The following MITF variants were observed in gnomAD, a reference collection of about 807,000 sequenced individuals.
MITF encodes microphthalmia-associated transcription factor.
MITF carries 17 observed loss-of-function variants against 60.5 expected under a neutral mutation model. The observed-to-expected ratio is 0.28, with a 90% CI of 0.19 to 0.42. The LOEUF is 0.42. Ranked by LOEUF, MITF falls within the 10% of genes least tolerant of loss-of-function variation. The pLI is 1.00. For synonymous variants in MITF, 260 were observed against 248.5 expected (o/e 1.05, Z -0.43); for missense variants, 622 against 683.5 (o/e 0.91, Z 1.00).
At chr3:69,848,675 T>G (rs1426593107) in intron 1 of MITF, among the ~76,000 whole-genome samples, 1 of 152,188 alleles carries the variant, frequency 6.6e-6, no homozygotes, top group East Asian at 1.9e-4. Context: ...AAATTTATGT[T>G]TTCAGATGCT....
At chr3:69,957,873 T>C (rs911386927) in intron 8 of MITF, among the ~76,000 whole-genome samples, 3 of 152,204 alleles carry the variant, frequency 2.0e-5, no homozygotes, top group Non-Finnish European at 4.4e-5. Flanking sequence ...ATCTATATGG[T>C]GGTTTCCCAC....
intron 5 of MITF, among the ~76,000 whole-genome samples, chr3:69,946,214 A>G (rs551851824): frequency 1.3e-5 from 2 of 152,206 alleles, no homozygotes; most frequent in African/African-American, 4.8e-5. Flanking sequence ...ACTAAGCCTC[A>G]GAGAACTTGC....
intron 2 of MITF, among the ~76,000 whole-genome samples, chr3:69,919,561 A>G (rs1395838283): frequency 1.3e-5 from 2 of 152,196 alleles, no homozygotes; most frequent in East Asian, 1.9e-4. Context: ...TAAAAACTAT[A>G]CTTTTTCCTT....
chr3:69,962,863 G>A (rs1433899261), intron 9 of MITF, among the ~76,000 whole-genome samples: 2 of 152,200 alleles, frequency 1.3e-5, no homozygotes, highest in African/African-American at 4.8e-5. Flanking sequence ...CACTGACTGG[G>A]TGGTAAACAA....
At chr3:69,777,774 A>G (rs1382664698) in intron 1 of MITF, among the ~76,000 whole-genome samples, 2 of 152,168 alleles carry the variant, frequency 1.3e-5, no homozygotes, top group Non-Finnish European at 2.9e-5. Flanking sequence ...ACAGTATGCC[A>G]TGGTTGGAAG....
intron 1 of MITF, among the ~76,000 whole-genome samples, chr3:69,776,151 A>G (rs966010814): frequency 6.6e-6 from 1 of 152,248 alleles, no homozygotes; most frequent in Non-Finnish European, 1.5e-5. Context: ...TTGCTACTTT[A>G]TATTCACCAA....
chr3:69,795,120 G>C (rs532746882), intron 1 of MITF, among the ~76,000 whole-genome samples: 1 of 152,132 alleles, frequency 6.6e-6, no homozygotes, highest in Admixed American at 6.5e-5. Context: ...AAATACCTGG[G>C]AGTGGAATGG....
At chr3:69,798,216 G>T (rs544257148) in intron 1 of MITF, among the ~76,000 whole-genome samples, 1 of 152,324 alleles carries the variant, frequency 6.6e-6, no homozygotes, top group South Asian at 2.1e-4. Context: ...CACAGTTCCT[G>T]GCTCTATAGT....
In MITF at chr3:69,966,191, A is replaced by G. The variant is rs2066686618; in HGVS notation, c.*943A>G. The G allele has an allele frequency of 4.3e-6, 1 of 232,576 alleles. No individual in the cohort carries two copies. Among genetic ancestry groups the G allele is most frequent in the Non-Finnish European group, 8.5e-6 (1 of 117,484 alleles). The allele number at this position is 232,576 out of a possible 1,614,324, so 14.4% of individuals were successfully genotyped here. ...TGATTTGTACAGATTCTTTATTATC[A>G]TTGTTCTTTTCAATATATTTGTATT... On this transcript the variant is annotated 3_prime_UTR_variant, in exon 10 of 10. Coordinates refer to ENST00000352241, the MANE Select transcript of MITF (RefSeq NM_001354604.2).
At chr3:69,957,601 A>G (rs1326518063) in intron 8 of MITF, among the ~76,000 whole-genome samples, 1 of 152,162 alleles carries the variant, frequency 6.6e-6, no homozygotes, top group Non-Finnish European at 1.5e-5. Flanking sequence ...TGTGACCTTC[A>G]TTTCCTATAG....
chr3:69,943,928 A>T (rs1289180703), intron 5 of MITF, among the ~76,000 whole-genome samples: 1 of 152,000 alleles, frequency 6.6e-6, no homozygotes, highest in African/African-American at 2.4e-5. Context: ...CCGTCTCTGT[A>T]AAAATGTAAA....
At chr3:69,911,474 A>G (rs1277790995) in intron 2 of MITF, among the ~76,000 whole-genome samples, 1 of 152,184 alleles carries the variant, frequency 6.6e-6, no homozygotes, top group Non-Finnish European at 1.5e-5. Flanking sequence ...AATTCCTGTT[A>G]GGTTTTTAAC....
At chr3:69,752,755 G>C (rs1703980578) in intron 1 of MITF, among the ~76,000 whole-genome samples, 1 of 152,104 alleles carries the variant, frequency 6.6e-6, no homozygotes. Context: ...CAATCCCCTT[G>C]GTCCTGTTCT....
chr3:69,817,979 C>G (rs565052150), intron 1 of MITF, among the ~76,000 whole-genome samples: 2 of 152,238 alleles, frequency 1.3e-5, no homozygotes, highest in South Asian at 4.1e-4. Flanking sequence ...TTTGTAAACA[C>G]ATATGCATTA....
chr3:69,936,224 C>T (rs1044239872), intron 2 of MITF, among the ~76,000 whole-genome samples: 6 of 152,092 alleles, frequency 3.9e-5, no homozygotes, highest in Non-Finnish European at 5.9e-5. Flanking sequence ...GGCAGTTATT[C>T]GGCCATTGGA....
intron 3 of MITF, chr3:69,938,671 A>C (rs961908109): frequency 2.3e-6 from 3 of 1,323,410 alleles, no homozygotes; most frequent in Non-Finnish European, 2.9e-6. Flanking sequence ...ACTACCTTCA[A>C]GCTAATTGGT....
intron 5 of MITF, among the ~76,000 whole-genome samples, chr3:69,943,796 T>A (rs143803557): frequency 2.8e-4 from 42 of 152,216 alleles, no homozygotes; most frequent in African/African-American, 9.4e-4. Flanking sequence ...TTCTGTCCTT[T>A]AGAATGAATA....
chr3:69,801,210 G>A (rs1047880725), intron 1 of MITF, among the ~76,000 whole-genome samples: 4 of 151,960 alleles, frequency 2.6e-5, no homozygotes, highest in Non-Finnish European at 5.9e-5. Flanking sequence ...ATTGTTTCGA[G>A]TGGCTAAAAT....
At chr3:69,778,169 AT>A (rs2062505046) in intron 1 of MITF, among the ~76,000 whole-genome samples, 1 of 152,098 alleles carries the variant, frequency 6.6e-6, no homozygotes, top group South Asian at 2.1e-4. Context: ...TGTCTTTTAG[AT>A]TTCTCACATG....
Sources: gnomAD v4.1 joint callset for allele counts (sites outside exome capture counted in the v4.1 genomes callset) on GRCh38, gnomAD v4.1.1 for gene constraint, MANE v1.5 for transcripts, NCBI Gene and HGNC (gene_info 2026-07-23, HGNC 2026-07-21) for gene names.